Variants in PCDHGB6 observed in about 807,000 individuals in gnomAD.
The protein encoded by PCDHGB6 is protocadherin gamma subfamily B, 6.
Under a neutral mutation model 59.1 loss-of-function variants are expected in PCDHGB6, and 51 were observed. The ratio of observed to expected loss-of-function variants is 0.86; its 90% confidence interval spans 0.69 to 1.09. The LOEUF is 1.09. Among genes scored for constraint, PCDHGB6 ranks in the 50% least tolerant of loss-of-function variants. PCDHGB6 has a pLI of 0.00. For synonymous variants in PCDHGB6, 466 were observed against 495.1 expected, an observed-to-expected ratio of 0.94 and a Z score of 0.78; for missense variants, 1,148 against 1,205.1, an observed-to-expected ratio of 0.95 and a Z score of 0.70.
At position 141,423,201 on chromosome 5, in the gene PCDHGB6, C is replaced by T. The variant is rs749613139; in HGVS notation, c.2418+12581C>T. 24 of 1,613,628 alleles carry T rather than the reference C, an allele frequency of 1.5e-5. No homozygotes were observed. The South Asian group carries it at 1.5e-4, about 10-fold the overall frequency. ...ACGGCCAGCCCCCTCTCTCGGCCAC[C>T]GTCACGCTCACCGTGGCTGTGGCCG... On this transcript the variant is annotated intron_variant, in intron 1 of 3. Coordinates refer to ENST00000520790, the MANE Select transcript of PCDHGB6 (RefSeq NM_018926.3).
intron 2 of PCDHGB6, among the ~76,000 whole-genome samples, chr5:141,500,001 A>G (rs961582279): frequency 6.6e-5 from 10 of 151,914 alleles, no homozygotes; most frequent in African/African-American, 2.4e-4. Context: ...TGATTCTTTC[A>G]TAAGGTCCAC....
chr5:141,419,785 G>T, intron 1 of PCDHGB6: 2 of 1,614,052 alleles, frequency 1.2e-6, no homozygotes, highest in Non-Finnish European at 1.7e-6. Flanking sequence ...GCCAGCGCCT[G>T]CTAGTCGCTG....
chr5:141,450,908 G>A (rs1248622378), intron 1 of PCDHGB6, among the ~76,000 whole-genome samples: 12 of 147,640 alleles, frequency 8.1e-5, no homozygotes, highest in East Asian at 6.0e-4. Flanking sequence ...CACTGCAACC[G>A]CTGCCTCCCA....
At position 141,409,803 on chromosome 5, in the gene PCDHGB6, C is replaced by T. The variant is rs779815582; in HGVS notation, c.1601C>T (p.Ala534Val). 1.9e-6 allele frequency: 3 copies of T among 1,611,528 alleles called. No homozygotes were observed. The highest frequency in any genetic ancestry group is 1.3e-5 in the African/African-American group (1 of 74,902). Reference protein sequence around the residue: ...QLRAFALTLQARDHGSPTLSA... With the variant: ...QLRAFALTLQVRDHGSPTLSA... ...CGCGCCTTCGCGCTCACGCTGCAGG[C>T]CCGCGACCACGGCTCGCCCACGCTC... is the stretch of plus-strand genomic sequence containing the variant. Residue 534 changes from alanine (A) to valine (V), a missense_variant, in exon 1 of 4, where the codon GCC becomes GTC. By Grantham distance (64) the Ala-to-Val change is moderately conservative (BLOSUM62 0). This residue lies in a region of PCDHGB6 where 549 missense variants were observed against 527.5 expected (regional missense o/e 1.04). Coordinates refer to ENST00000520790, the MANE Select transcript of PCDHGB6 (RefSeq NM_018926.3).
Position 141,511,002 on chromosome 5 carries a change from C to A in PCDHGB6, c.2622C>A (p.Ser874Arg), listed in dbSNP as rs143630962. The change falls in exon 4 of 4, where the codon AGC becomes AGA. Residue 874 changes from serine to arginine, a missense_variant. Physicochemically the swap from Ser to Arg is moderately radical, Grantham distance 110. Transcript: ENST00000520790. Reference protein sequence around the residue: ...LGGGAGTMGLSARYGPQFTLQ... With the variant: ...LGGGAGTMGLRARYGPQFTLQ... ...GGGGTGCCGGCACCATGGGATTGAG[C>A]GCCCGCTACGGACCCCAGTTCACCC... The A allele has an allele frequency of 8.7e-6, 14 of 1,614,140 alleles. No homozygotes were observed. The highest frequency in any genetic ancestry group is 1.2e-5 in the Non-Finnish European group (14 of 1,180,018).
rs1386904017 is a variant in PCDHGB6 at position 141,476,642 on chromosome 5, CG to C, written c.2419-18164del. On this transcript the variant is annotated intron_variant, in intron 1 of 3. Coordinates refer to ENST00000520790, the MANE Select transcript of PCDHGB6 (RefSeq NM_018926.3). The surrounding 1 kb of genome is among the most constrained non-coding windows in gnomAD (Gnocchi z 7.6). ...CTCTTTACAAACCTATGAGCTGAGC[CG>C]AAATGAATACTTTGCGCTTCGCGTG... The C allele has an allele frequency of 2.5e-6, 4 of 1,614,240 alleles. No homozygotes were observed.
intron 1 of PCDHGB6, among the ~76,000 whole-genome samples, chr5:141,444,703 T>A (rs963617867): frequency 6.6e-6 from 1 of 152,248 alleles, no homozygotes; most frequent in Non-Finnish European, 1.5e-5. Context: ...TTCCTCTTTC[T>A]GTTGAATTTG....
chr5:141,423,268 T>G (rs752667215), intron 1 of PCDHGB6: 1 of 1,613,552 alleles, frequency 6.2e-7, no homozygotes, highest in South Asian at 1.1e-5. Flanking sequence ...CAGCCTCGAG[T>G]CTCTGGCTAA....
At chr5:141,440,106 T>A (rs1288263875) in intron 1 of PCDHGB6, 1 of 152,228 alleles carries the variant, frequency 6.6e-6, no homozygotes, top group East Asian at 1.9e-4. Flanking sequence ...AGTGGAGACT[T>A]ACTTGTGAAT....
intron 1 of PCDHGB6, among the ~76,000 whole-genome samples, chr5:141,461,739 C>T (rs1048636018): frequency 3.9e-5 from 6 of 152,134 alleles, no homozygotes; most frequent in Non-Finnish European, 7.4e-5. Context: ...GGCACAATCC[C>T]GGCTCCCAGA....
intron 1 of PCDHGB6, among the ~76,000 whole-genome samples, chr5:141,450,503 T>G (rs1196541899): frequency 3.3e-5 from 5 of 152,258 alleles, no homozygotes; most frequent in Admixed American, 6.5e-5. Context: ...TTGTTTGTTT[T>G]GAGATGGAGT....
intron 2 of PCDHGB6, among the ~76,000 whole-genome samples, chr5:141,497,706 A>G (rs2099778850): frequency 6.6e-6 from 1 of 151,956 alleles, no homozygotes; most frequent in Middle Eastern, 3.2e-3. Flanking sequence ...CACCCAGCTC[A>G]TTTTTGTATT....
rs561908431 is a variant in PCDHGB6, at chr5:141,510,639, TATC to T, written c.2567-304_2567-302del. Among the ~76,000 whole-genome samples the T allele has an allele frequency of 8.5e-3, 1,289 of 152,298 alleles. 6 individuals carry two copies. Among genetic ancestry groups the T allele is most frequent in the Middle Eastern group, 0.058 (17 of 294 alleles). On this transcript the variant is annotated intron_variant, in intron 3 of 3. Transcript: ENST00000520790. ...TAAAACCAGAAGAGGTGGTTACCAT[TATC>T]ATCCCCATTTTGCAGATGAGAAAAC...
chr5:141,419,742 T>G (rs1388509503), intron 1 of PCDHGB6: 3 of 1,613,742 alleles, frequency 1.9e-6, no homozygotes, highest in Non-Finnish European at 2.5e-6. Flanking sequence ...GAGGTGCGCA[T>G]GGTGCGTGCT....
In PCDHGB6 at chr5:141,496,208, G is replaced by T. The variant is rs530974273; in HGVS notation, c.2477+1343G>T. On this transcript the variant is annotated intron_variant, in intron 2 of 3. Coordinates refer to ENST00000520790, the MANE Select transcript of PCDHGB6 (RefSeq NM_018926.3). Reference sequence around the variant, plus strand: ...CCAGCTGCTCATTTCAATCTGGTATGAATTCCTGCTGAGACAGGAACCCCC... The same window carrying T: ...CCAGCTGCTCATTTCAATCTGGTATTAATTCCTGCTGAGACAGGAACCCCC... Among the ~76,000 whole-genome samples, 13 of 152,222 alleles carry T rather than the reference G, an allele frequency of 8.5e-5. No homozygotes were observed. In the East Asian group the frequency reaches 2.3e-3, roughly 27 times the overall value.
chr5:141,463,965 C>T (rs1207852177), intron 1 of PCDHGB6, among the ~76,000 whole-genome samples: 1 of 151,648 alleles, frequency 6.6e-6, no homozygotes, highest in African/African-American at 2.4e-5. Context: ...AAAATAGCTT[C>T]ATAAAACTCC....
At chr5:141,505,336 G>A in intron 2 of PCDHGB6, 57 bp from the exon 3 acceptor site, 2 of 1,611,374 alleles carry the variant, frequency 1.2e-6, no homozygotes, top group South Asian at 1.1e-5. Flanking sequence ...GAGGACAGGA[G>A]GGGCATGAGC....
chr5:141,474,260 A>G (rs1459875243), intron 1 of PCDHGB6, among the ~76,000 whole-genome samples: 1 of 152,170 alleles, frequency 6.6e-6, no homozygotes, highest in Non-Finnish European at 1.5e-5. Flanking sequence ...AGACTGATAA[A>G]CCAGTGTATC....
At chr5:141,419,770 G>C in intron 1 of PCDHGB6, 1 of 1,614,006 alleles carries the variant, frequency 6.2e-7, no homozygotes, top group Non-Finnish European at 8.5e-7. Context: ...ACAAGGACTC[G>C]GTCCGCCAGC....
Sources: allele counts gnomAD v4.1 joint callset (sites outside exome capture counted in the v4.1 genomes callset), GRCh38; gene constraint gnomAD v4.1.1; regional missense constraint gnomAD v4.1.1; non-coding constraint Gnocchi (gnomAD v3.1); transcripts MANE v1.5; gene names NCBI Gene and HGNC (gene_info 2026-07-23, HGNC 2026-07-21).